The following FBXO42 variants were observed in gnomAD, a reference collection of about 807,000 sequenced individuals.
FBXO42 encodes F-box protein 42, also known as F-box only protein 42.
Under a neutral mutation model 71.7 loss-of-function variants are expected in FBXO42, and 12 were observed. The observed-to-expected ratio is 0.17, with a 90% CI of 0.11 to 0.27. The LOEUF (loss-of-function observed/expected upper bound fraction) is 0.27, where lower values mean the gene tolerates loss of function less well. Ranked by LOEUF, FBXO42 falls within the 10% of genes least tolerant of loss-of-function variation. The pLI is 1.00. For synonymous variants in FBXO42, 325 were observed against 327.5 expected, an observed-to-expected ratio of 0.99 and a Z score of 0.08; for missense variants, 707 against 911.9, an observed-to-expected ratio of 0.78 and a Z score of 2.89.
chr1:16,279,855 T>TTTTTCTTTTTC (rs1491111940), intron 4 of FBXO42, among the ~76,000 whole-genome samples: 1 of 13,124 alleles, frequency 7.6e-5, no homozygotes, highest in African/African-American at 2.7e-4. Flanking sequence ...TTTTTTTTTC[T>TTTTTCTTTTTC]TTTTTTTTTG....
intron 4 of FBXO42, among the ~76,000 whole-genome samples, chr1:16,276,820 A>G (rs1231863428): frequency 6.6e-6 from 1 of 152,244 alleles, no homozygotes; most frequent in Non-Finnish European, 1.5e-5. Context: ...AACTGTCCAG[A>G]TGGTAGGCAG....
intron 1 of FBXO42, among the ~76,000 whole-genome samples, chr1:16,329,916 T>C (rs2082482995): frequency 6.7e-6 from 1 of 149,996 alleles, no homozygotes; most frequent in South Asian, 2.1e-4. Context: ...GCCATTGCAC[T>C]CCAGCCTGGG....
At chr1:16,316,484 C>T (rs1396729351) in intron 1 of FBXO42, among the ~76,000 whole-genome samples, 1 of 151,746 alleles carries the variant, frequency 6.6e-6, no homozygotes, top group Non-Finnish European at 1.5e-5. Context: ...ACCTGTAGTC[C>T]CAGCACTTTG....
rs34752325 is a variant in FBXO42 at position 16,326,014 on chromosome 1, T to TTGTGTGTGTGTGTGTGTGTGTGTG, written c.-17-10603_-17-10580dup. Among the ~76,000 whole-genome samples, 549 of 137,492 alleles carry TTGTGTGTGTGTGTGTGTGTGTGTG rather than the reference T, an allele frequency of 4.0e-3. 7 individuals carry two copies. Among genetic ancestry groups the TTGTGTGTGTGTGTGTGTGTGTGTG allele is most frequent in the Non-Finnish European group, 5.7e-3 (357 of 62,726 alleles). The allele number at this position is 137,492 out of a possible 152,430, so 90.2% of individuals were successfully genotyped here. ...TAAAATGGAACTTCAGTGCCCAAAT[T>TTGTGTGTGTGTGTGTGTGTGTGTG]TGTGTGTGTGTGTGTGTGTGTGTGT... On this transcript the variant is annotated intron_variant, in intron 1 of 9. Transcript: ENST00000375592.
chr1:16,320,394 T>C (rs2082402433), intron 1 of FBXO42, among the ~76,000 whole-genome samples: 1 of 152,032 alleles, frequency 6.6e-6, no homozygotes, highest in Non-Finnish European at 1.5e-5. Context: ...ACCATGCCTT[T>C]TATTACTGGA....
chr1:16,303,430 A>G (rs2082217160), intron 3 of FBXO42, among the ~76,000 whole-genome samples: 1 of 152,216 alleles, frequency 6.6e-6, no homozygotes, highest in South Asian at 2.1e-4. Context: ...CAGTGATGAC[A>G]GTAAGCAATG....
intron 6 of FBXO42, among the ~76,000 whole-genome samples, chr1:16,255,429 G>A (rs1237715077): frequency 6.6e-6 from 1 of 151,930 alleles, no homozygotes; most frequent in East Asian, 1.9e-4. Flanking sequence ...CCACTTCCCA[G>A]GTTCAAGCGA....
At chr1:16,321,706 T>A (rs2100589502) in intron 1 of FBXO42, among the ~76,000 whole-genome samples, 1 of 152,190 alleles carries the variant, frequency 6.6e-6, no homozygotes, top group South Asian at 2.1e-4. Flanking sequence ...TTTTTTTTTT[T>A]TTTAAAGATA....
intron 1 of FBXO42, among the ~76,000 whole-genome samples, chr1:16,345,847 C>CAA (rs34529034): frequency 8.6e-4 from 101 of 117,316 alleles, no homozygotes; most frequent in African/African-American, 1.0e-3. Context: ...GACTCCGTCT[C>CAA]AAAAAAAAAA....
Position 16,315,334 on chromosome 1 carries a change from C to G in FBXO42, c.85G>C (p.Asp29His). 1 of 1,614,198 alleles carries G rather than the reference C, an allele frequency of 6.2e-7. No homozygotes were observed. Among genetic ancestry groups the G allele is most frequent in the Non-Finnish European group, 8.5e-7 (1 of 1,180,022 alleles). Residue 29 changes from aspartate to histidine, a missense_variant, in exon 2 of 10, where the codon GAT (aspartate) becomes CAT (histidine). Around this residue, in one of 5 missense-constraint regions of FBXO42, gnomAD observed 188 missense variants for 230.5 expected, o/e 0.82. Transcript: ENST00000375592. Reference sequence around the variant, plus strand: ...TCCAATACTGGGTGGGGCTCCTCATCTTGATCCATTGTCCCTTCCAGCACA... The same window carrying G: ...TCCAATACTGGGTGGGGCTCCTCATGTTGATCCATTGTCCCTTCCAGCACA... ...ETVLEGTMDQ[D>H]EEPHPVLEAE...
chr1:16,267,936 A>G (rs1180633196), intron 4 of FBXO42, among the ~76,000 whole-genome samples: 1 of 152,192 alleles, frequency 6.6e-6, no homozygotes, highest in Non-Finnish European at 1.5e-5. Flanking sequence ...TTCACTTCTT[A>G]ACAAAACCAT....
chr1:16,283,538 C>T (rs939213168), intron 4 of FBXO42, among the ~76,000 whole-genome samples: 4 of 122,240 alleles, frequency 3.3e-5, no homozygotes, highest in Admixed American at 9.7e-5. Context: ...CGCTCTGTCG[C>T]CCAGGCTGGA....
At chr1:16,340,032 C>G (rs566382612) in intron 1 of FBXO42, among the ~76,000 whole-genome samples, 1 of 152,142 alleles carries the variant, frequency 6.6e-6, no homozygotes, top group Non-Finnish European at 1.5e-5. Context: ...AAAAAATTAG[C>G]CAGGCGTGGT....
chr1:16,302,523 T>C (rs1298016322), intron 3 of FBXO42, among the ~76,000 whole-genome samples: 2 of 152,154 alleles, frequency 1.3e-5, no homozygotes, highest in Non-Finnish European at 2.9e-5. Flanking sequence ...CTTTTTTTCT[T>C]TTTTGAAACG....
chr1:16,346,173 C>T (rs776082478), intron 1 of FBXO42, among the ~76,000 whole-genome samples: 1 of 152,074 alleles, frequency 6.6e-6, no homozygotes, highest in African/African-American at 2.4e-5. Context: ...CAATTCTTTA[C>T]GAAGAAATTT....
At chr1:16,297,846 G>A (rs1178295928) in intron 3 of FBXO42, among the ~76,000 whole-genome samples, 1 of 137,522 alleles carries the variant, frequency 7.3e-6, no homozygotes, top group Admixed American at 7.9e-5. Context: ...CAGCCTGGGC[G>A]ACAGAGTGAG....
At chr1:16,295,838 T>G (rs1281861660) in intron 3 of FBXO42, among the ~76,000 whole-genome samples, 1 of 152,238 alleles carries the variant, frequency 6.6e-6, no homozygotes, top group African/African-American at 2.4e-5. Context: ...TAGTATGGTC[T>G]TGGACTAGTC....
chr1:16,269,676 C>A (rs1345523290), intron 4 of FBXO42, among the ~76,000 whole-genome samples: 1 of 151,494 alleles, frequency 6.6e-6, no homozygotes, highest in Non-Finnish European at 1.5e-5. Context: ...CAGGCATGAG[C>A]CACCATGTCC....
At chr1:16,266,149 T>C (rs895888355) in intron 4 of FBXO42, among the ~76,000 whole-genome samples, 2 of 152,082 alleles carry the variant, frequency 1.3e-5, no homozygotes, top group Non-Finnish European at 2.9e-5. Flanking sequence ...CCACGGAAAA[T>C]GGCTATTTTC....
Sources: allele counts gnomAD v4.1 joint callset (sites outside exome capture counted in the v4.1 genomes callset), GRCh38; gene constraint gnomAD v4.1.1; regional missense constraint gnomAD v4.1.1; transcripts MANE v1.5; gene names NCBI Gene and HGNC (gene_info 2026-07-23, HGNC 2026-07-21).